The following SYTL2 variants were observed in gnomAD, a reference collection of about 807,000 sequenced individuals.
SYTL2 encodes synaptotagmin like 2.
SYTL2 carries 165 observed loss-of-function variants against 198.7 expected under a neutral mutation model. The observed-to-expected ratio is 0.83, with a 90% CI of 0.73 to 0.94. The LOEUF is 0.94. Ranked by LOEUF, SYTL2 falls within the 40% of genes least tolerant of loss-of-function variation. The pLI is 0.00. For synonymous variants in SYTL2, 966 were observed against 917.7 expected (o/e 1.05, Z -0.95); for missense variants, 2,835 against 2,582.8 (o/e 1.10, Z -2.12).
chr11:85,744,214 G>A (rs922107511), intron 4 of SYTL2, among the ~76,000 whole-genome samples: 3 of 152,048 alleles, frequency 2.0e-5, no homozygotes. Context: ...CACTTACTAC[G>A]TGCTAATGGG....
intron 2 of SYTL2, among the ~76,000 whole-genome samples, chr11:85,755,494 G>A (rs1404926117): frequency 6.6e-6 from 1 of 152,096 alleles, no homozygotes; most frequent in Non-Finnish European, 1.5e-5. Context: ...CAGCTGCTGG[G>A]GCACCTTCAG....
chr11:85,769,659 G>T (rs2092316934), intron 1 of SYTL2, among the ~76,000 whole-genome samples: 1 of 152,206 alleles, frequency 6.6e-6, no homozygotes, highest in Non-Finnish European at 1.5e-5. Context: ...TCTGTGAGTT[G>T]TGCCAAACCC....
At chr11:85,784,226 C>T (rs485485) in intron 1 of SYTL2, among the ~76,000 whole-genome samples, 63,166 of 152,006 alleles carry the variant, frequency 0.42, 13,728 homozygotes, top group African/African-American at 0.53. Context: ...GTGAATTCAG[C>T]TGAGACTATG....
At chr11:85,719,268 G>A (rs2087881947) in intron 9 of SYTL2, 7 of 1,168,996 alleles carry the variant, frequency 6.0e-6, no homozygotes, top group Non-Finnish European at 7.5e-6. Flanking sequence ...CCTCTGGGAG[G>A]CTTGCTTGGG....
chr11:85,818,692 C>CTATCTAT, the SYTL2 span, among the ~76,000 whole-genome samples: 1 of 56,226 alleles, frequency 1.8e-5, no homozygotes, highest in African/African-American at 6.6e-5. Context: ...TATCTATCTA[C>CTATCTAT]CTATCTATTT....
Position 85,695,258 on chromosome 11 carries a change from G to A in SYTL2, c.6657C>T (p.Pro2219=), listed in dbSNP as rs1164846097. 1.2e-6 allele frequency: 2 copies of A among 1,612,718 alleles called. No individual in the cohort carries two copies. The highest frequency in any genetic ancestry group is 2.2e-5 in the East Asian group (1 of 44,822). Reference sequence around the variant, plus strand: ...GCAGTGTTGCTTCAATCCAAGTATTGGGGGAGTTTACCATCTTCTCCCAGA... The same window carrying A: ...GCAGTGTTGCTTCAATCCAAGTATTAGGGGAGTTTACCATCTTCTCCCAGA... ...VALWEKMVNS[P]NTWIEATLPL... is the part of the protein sequence containing the mutation. Residue 2219 remains proline (P), a synonymous_variant, in exon 20 of 20, where the codon CCC becomes CCT. Transcript: ENST00000359152.
intron 15 of SYTL2, among the ~76,000 whole-genome samples, chr11:85,705,751 T>C (rs1160915989): frequency 6.6e-6 from 1 of 152,218 alleles, no homozygotes; most frequent in Non-Finnish European, 1.5e-5. Context: ...ACTGTGGTTG[T>C]AGTAAGTCTG....
the SYTL2 span, among the ~76,000 whole-genome samples, chr11:85,846,391 A>C: frequency 6.6e-6 from 1 of 152,180 alleles, no homozygotes; most frequent in Non-Finnish European, 1.5e-5. Context: ...AGGAGTGTTA[A>C]AGAATATGAA....
In SYTL2 at chr11:85,753,765, TTAAA is replaced by T. The variant is rs1367076438; in HGVS notation, c.101+3856_101+3859del. Among the ~76,000 whole-genome samples, 10 of 101,838 alleles carry T rather than the reference TTAAA, an allele frequency of 9.8e-5. 1 individual carries two copies. The highest frequency in any genetic ancestry group is 1.3e-4 in the Non-Finnish European group (7 of 51,926). 66.8% of individuals were successfully genotyped at this position (101,838 alleles called of 152,430 possible). On this transcript the variant is annotated intron_variant, in intron 2 of 19. Transcript: ENST00000359152. Reference sequence around the variant, plus strand: ...GGGTCACAGAGAGAAACTCTCTTTTTTAAAAAAAAAAAAAAAAAAAAAAAGATGG... The same window carrying T: ...GGGTCACAGAGAGAAACTCTCTTTTTAAAAAAAAAAAAAAAAAAAAGATGG...
chr11:85,825,422 T>C, the SYTL2 span, among the ~76,000 whole-genome samples: 1 of 150,204 alleles, frequency 6.7e-6, no homozygotes, highest in Non-Finnish European at 1.5e-5. Context: ...GAGGTTGAGT[T>C]ATAGAGGGAA....
Position 85,748,375 on chromosome 11 carries a change from A to G in SYTL2, c.150T>C (p.Ser50=). 1.2e-6 allele frequency: 2 copies of G among 1,613,962 alleles called. No homozygotes were observed. Among genetic ancestry groups the G allele is most frequent in the Non-Finnish European group, 1.7e-6 (2 of 1,179,900 alleles). The part of the protein sequence containing the change: ...IKDDQQLKNM[S]GQWFYEAKAK... ...CCTTGGCTTCATAAAACCATTGGCCACTCATATTCTTCAGCTGCTGGTCAT... is the reference window on the plus strand; with the variant it reads ...CCTTGGCTTCATAAAACCATTGGCCGCTCATATTCTTCAGCTGCTGGTCAT... Residue 50 remains serine, a synonymous_variant, in exon 3 of 20, where the codon AGT becomes AGC. Transcript: ENST00000359152.
chr11:85,754,199 C>T (rs951945449), intron 2 of SYTL2, among the ~76,000 whole-genome samples: 1 of 152,102 alleles, frequency 6.6e-6, no homozygotes, highest in African/African-American at 2.4e-5. Context: ...TTTAAATTTG[C>T]AACTGATAAT....
rs1306487215 is a variant in SYTL2 at position 85,726,490 on chromosome 11, A to T, written c.2868T>A (p.Asn956Lys). 5.6e-6 allele frequency: 9 copies of T among 1,609,426 alleles called. No homozygotes were observed. Among genetic ancestry groups the T allele is most frequent in the Non-Finnish European group, 7.6e-6 (9 of 1,179,954 alleles). ...TTAGGGACATAACTTTAAAGTTGGC[A>T]TTTGATTCACGAACTAGAGGTCTGT... is the stretch of plus-strand genomic sequence containing the variant. ...EKDRPLVRES[N>K]ANFKVMSLKE... Residue 956 changes from asparagine to lysine, a missense_variant, in exon 8 of 20, where the codon AAT becomes AAA. Around this residue, in one of 3 missense-constraint regions of SYTL2, gnomAD observed 2,645 missense variants for 2,381.7 expected, o/e 1.11. Transcript: ENST00000359152.
In SYTL2 at chr11:85,707,488, T is replaced by C. The variant is rs754021698; in HGVS notation, c.5959A>G (p.Lys1987Glu). 1.9e-6 allele frequency: 3 copies of C among 1,614,106 alleles called. No individual in the cohort carries two copies. The highest frequency in any genetic ancestry group is 2.5e-6 in the Non-Finnish European group (3 of 1,179,968). ...YLLPDKGKMG[K>E]KKTLVVKKTL... is the part of the protein sequence containing the mutation. Reference sequence around the variant, plus strand: ...TTCTTCACTACGAGTGTTTTCTTCTTGCCCATTTTGCCTTTGTCTGGTAGC... The same window carrying C: ...TTCTTCACTACGAGTGTTTTCTTCTCGCCCATTTTGCCTTTGTCTGGTAGC... The change falls in exon 15 of 20, where the codon AAG becomes GAG. Residue 1987 changes from lysine (K) to glutamate (E), a missense_variant. This residue lies in a region of SYTL2 where 2,645 missense variants were observed against 2,381.7 expected (regional missense o/e 1.11). Transcript: ENST00000359152.
intron 11 of SYTL2, chr11:85,715,092 T>C (rs1050409343): frequency 6.6e-6 from 1 of 152,210 alleles, no homozygotes; most frequent in Non-Finnish European, 1.5e-5. Context: ...GATACCTCAC[T>C]GATTCAGAAT....
At chr11:85,749,957 T>A (rs1350366978) in intron 2 of SYTL2, among the ~76,000 whole-genome samples, 2 of 152,168 alleles carry the variant, frequency 1.3e-5, no homozygotes, top group East Asian at 3.9e-4. Flanking sequence ...GAATATCAGA[T>A]GAGGCTCCTG....
chr11:85,711,479 G>A (rs531466645), intron 12 of SYTL2, among the ~76,000 whole-genome samples: 10 of 152,182 alleles, frequency 6.6e-5, no homozygotes, highest in Non-Finnish European at 1.3e-4. Flanking sequence ...CTACAAAGTA[G>A]TCTTTCCCAA....
chr11:85,817,902 C>CTTTTTTT, the SYTL2 span, among the ~76,000 whole-genome samples: 7 of 109,910 alleles, frequency 6.4e-5, no homozygotes, highest in Admixed American at 9.4e-5. Flanking sequence ...TGTGTCTTTT[C>CTTTTTTT]TTTTTTTTTT....
At chr11:85,731,498 T>C (rs1565942407) in intron 7 of SYTL2, among the ~76,000 whole-genome samples, 1 of 152,198 alleles carries the variant, frequency 6.6e-6, no homozygotes, top group African/African-American at 2.4e-5. Flanking sequence ...ATTCCCTATT[T>C]AATAAATGGT....
Sources: gnomAD v4.1 joint callset for allele counts (sites outside exome capture counted in the v4.1 genomes callset) on GRCh38, gnomAD v4.1.1 for gene constraint, gnomAD v4.1.1 regional missense constraint, MANE v1.5 for transcripts, NCBI Gene and HGNC (gene_info 2026-07-23, HGNC 2026-07-21) for gene names.